CC2D2B: variants seen among roughly 807,000 people sequenced by gnomAD.
CC2D2B encodes coiled-coil and C2 domain containing 2B.
A neutral mutation model predicts 161.2 loss-of-function variants in CC2D2B; 128 were observed. The observed-to-expected ratio is 0.79, with a 90% CI of 0.69 to 0.92. The LOEUF is 0.92. CC2D2B is among the 40% of genes least tolerant of loss of function. The pLI, the probability that CC2D2B is intolerant of heterozygous loss-of-function variation, is 0.00. For missense variants in CC2D2B, 1,173 were observed against 1,375.1 expected, an observed-to-expected ratio of 0.85 and a Z score of 2.32; for synonymous variants, 391 against 449.8, an observed-to-expected ratio of 0.87 and a Z score of 1.65.
In CC2D2B at chr10:95,938,003, C is replaced by T. The variant is rs1375437607; in HGVS notation, c.349C>T (p.Arg117Cys). The T allele has an allele frequency of 1.5e-5, 23 of 1,545,718 alleles. No individual in the cohort carries two copies. Among genetic ancestry groups the T allele is most frequent in the Admixed American group, 3.9e-5 (2 of 50,906 alleles). ...TGGTATTCAACAGAGACCAGTAAAC[C>T]GTAGTTATCCCAAATGCTTTTCACT... The part of the protein sequence containing the change: ...GKSSEQRPVN[R>C]SYPKCFSLGV... Residue 117 changes from arginine to cysteine, a missense_variant, in exon 7 of 35, where the codon CGT becomes TGT. Physicochemically the swap from Arg to Cys is radical, Grantham distance 180. This residue lies in a region of CC2D2B where 298 missense variants were observed against 261.2 expected (regional missense o/e 1.14). Transcript: ENST00000646931.
chr10:95,966,520 A>C (rs1318459213), intron 14 of CC2D2B, among the ~76,000 whole-genome samples: 1 of 152,086 alleles, frequency 6.6e-6, no homozygotes, highest in East Asian at 1.9e-4. Flanking sequence ...TAAATTGCCC[A>C]GGTTCACACA....
Position 96,013,802 on chromosome 10 carries a change from ATTTGTATC to A in CC2D2B, c.3446_3453del (p.Val1149AspfsTer6). ...TATTATTCTAGGACCTCATTGCTCG[ATTTGTATC>A]TTTGATTCCTTTTGTGCCTAATACA... On this transcript the variant is annotated frameshift_variant, in exon 29 of 35. Coordinates refer to ENST00000646931, the MANE Select transcript of CC2D2B (RefSeq NM_001349008.3). LOFTEE classifies it high-confidence loss of function. The A allele has an allele frequency of 6.2e-7, 1 of 1,601,990 alleles. No homozygotes were observed. The highest frequency in any genetic ancestry group is 8.5e-7 in the Non-Finnish European group (1 of 1,172,754).
chr10:95,965,280 C>T (rs2076899301), intron 12 of CC2D2B, among the ~76,000 whole-genome samples: 1 of 152,022 alleles, frequency 6.6e-6, no homozygotes, highest in African/African-American at 2.4e-5. Context: ...GTACTTACTT[C>T]ATAGGGTTGT....
At chr10:95,988,215 C>A in intron 19 of CC2D2B, 35 bp from the exon 20 acceptor site, 2 of 870,614 alleles carry the variant, frequency 2.3e-6, no homozygotes, top group Non-Finnish European at 1.5e-6. Context: ...CTCTTTGTTA[C>A]ATTCAAGAAG....
chr10:95,941,955 A>G (rs2076038460), intron 9 of CC2D2B, among the ~76,000 whole-genome samples: 1 of 152,218 alleles, frequency 6.6e-6, no homozygotes, highest in Admixed American at 6.5e-5. Flanking sequence ...CTGTTCATTG[A>G]CAGTTGAATA....
chr10:95,994,634 G>A (rs1644428849), intron 22 of CC2D2B, among the ~76,000 whole-genome samples: 3 of 152,188 alleles, frequency 2.0e-5, no homozygotes, highest in Non-Finnish European at 2.9e-5. Flanking sequence ...TGGCGTTACC[G>A]CTTGACCAAG....
chr10:95,940,382 T>C (rs1425927620), intron 9 of CC2D2B, among the ~76,000 whole-genome samples: 3 of 152,210 alleles, frequency 2.0e-5, no homozygotes, highest in African/African-American at 7.2e-5. Context: ...TTTGATGGGA[T>C]ATTCTTAATT....
intron 6 of CC2D2B, among the ~76,000 whole-genome samples, chr10:95,929,384 A>T (rs1170508996): frequency 6.6e-6 from 1 of 152,106 alleles, no homozygotes; most frequent in Non-Finnish European, 1.5e-5. Flanking sequence ...TGCTGTGCAG[A>T]AGCTCTTTAG....
At chr10:95,988,754 G>C (rs149249408) in intron 20 of CC2D2B, among the ~76,000 whole-genome samples, 63 of 152,302 alleles carry the variant, frequency 4.1e-4, no homozygotes, top group African/African-American at 1.4e-3. Flanking sequence ...TAGAAAAATA[G>C]ATACGCTTTG....
chr10:95,973,766 CAGG>C (rs2077220041), intron 16 of CC2D2B, among the ~76,000 whole-genome samples: 1 of 149,940 alleles, frequency 6.7e-6, no homozygotes, highest in Admixed American at 6.8e-5. Flanking sequence ...GAGCCTGAGG[CAGG>C]AGAATCATTT....
At chr10:95,908,701 C>T (rs2098500565) in intron 1 of CC2D2B, among the ~76,000 whole-genome samples, 2 of 151,778 alleles carry the variant, frequency 1.3e-5, no homozygotes, top group South Asian at 4.2e-4. Context: ...GAAAGGGCCT[C>T]CTGGTTGACT....
chr10:95,915,703 T>C (rs565364783), intron 2 of CC2D2B, among the ~76,000 whole-genome samples: 2 of 152,332 alleles, frequency 1.3e-5, no homozygotes, highest in South Asian at 4.1e-4. Context: ...ATGTATCACA[T>C]TGATTGATTT....
chr10:95,964,430 T>C (rs1365980774), intron 12 of CC2D2B, among the ~76,000 whole-genome samples: 1 of 152,152 alleles, frequency 6.6e-6, no homozygotes, highest in Admixed American at 6.6e-5. Context: ...CCCTGGTGAT[T>C]TTAATATGTA....
rs1459643604 is a variant in CC2D2B at position 95,924,783 on chromosome 10, A to G, written c.179A>G (p.Asn60Ser). ...VREKLKISKI[N>S]KGEKSSTEQL... ...TTTATTTATGTTGTGTTTCAGATTA[A>G]TAAAGGTGAAAAATCTTCAACTGAG... Residue 60 changes from asparagine (N) to serine (S), a missense_variant, in exon 5 of 35, where the codon AAT (asparagine) becomes AGT (serine). This residue lies in a region of CC2D2B where 298 missense variants were observed against 261.2 expected (regional missense o/e 1.14). Coordinates refer to ENST00000646931, the MANE Select transcript of CC2D2B (RefSeq NM_001349008.3). 1.3e-6 allele frequency: 2 copies of G among 1,532,674 alleles called. No homozygotes were observed. The highest frequency in any genetic ancestry group is 1.2e-5 in the South Asian group (1 of 83,520). 94.9% of individuals were successfully genotyped at this position (1,532,674 alleles called of 1,614,324 possible). A position where few individuals can be genotyped will look rare whatever the true frequency, so the allele number is the denominator to read the frequency against.
chr10:95,982,773 A>T lies in CC2D2B; in HGVS notation c.2082+660A>T, dbSNP rs532245834. Among the ~76,000 whole-genome samples the T allele has an allele frequency of 3.1e-4, 47 of 151,296 alleles. No individual in the cohort carries two copies. The South Asian group carries it at 9.8e-3, about 32-fold the overall frequency. On this transcript the variant is annotated intron_variant, in intron 18 of 34. Transcript: ENST00000646931. ...ATAGGTTTCTTTGTTTTTTGTTGTT[A>T]TTGTTGTTTGTTTTTTTTAGATGGA... is the stretch of plus-strand genomic sequence containing the variant.
chr10:95,925,018 T>G (rs2098535882), intron 5 of CC2D2B, among the ~76,000 whole-genome samples, 174 bp downstream of exon 5: 1 of 152,224 alleles, frequency 6.6e-6, no homozygotes, highest in African/African-American at 2.4e-5. Context: ...GATTCCTCTT[T>G]ATCAGTGATT....
chr10:95,981,833 T>C, intron 17 of CC2D2B, 142 bp from the exon 18 acceptor site: 1 of 418,786 alleles, frequency 2.4e-6, no homozygotes, highest in Non-Finnish European at 4.0e-6. Context: ...CTTTCTATTC[T>C]ATCCATAAAT....
At chr10:95,935,432 C>T (rs1019684647) in intron 6 of CC2D2B, among the ~76,000 whole-genome samples, 2 of 152,080 alleles carry the variant, frequency 1.3e-5, no homozygotes, top group African/African-American at 4.8e-5. Context: ...CCCTGTAGTC[C>T]ATTTTCCATA....
chr10:95,981,987 T>A lies in CC2D2B; in HGVS notation c.1956T>A (p.Asn652Lys), dbSNP rs1353184267. The change falls in exon 18 of 35, where the codon AAT becomes AAA. Residue 652 changes from asparagine to lysine, a missense_variant. Physicochemically the swap from Asn to Lys is moderately conservative, Grantham distance 94. Transcript: ENST00000646931. ...LRSSYCSMLRNVDARSVPGIP... is the reference protein window; with the variant it reads ...LRSSYCSMLRKVDARSVPGIP... ...TTCTCTATGTTAGTATGTTAAGGAATGTAGATGCAAGAAGTGTTCCTGGAA... is the reference window on the plus strand; with the variant it reads ...TTCTCTATGTTAGTATGTTAAGGAAAGTAGATGCAAGAAGTGTTCCTGGAA... 8.1e-7 allele frequency: 1 copy of A among 1,229,190 alleles called. No individual in the cohort carries two copies. The highest frequency in any genetic ancestry group is 3.2e-5 in the East Asian group (1 of 31,630). The allele number at this position is 1,229,190 out of a possible 1,614,324, so 76.1% of individuals were successfully genotyped here. A position where few individuals can be genotyped will look rare whatever the true frequency, so the allele number is the denominator to read the frequency against.
Sources: gnomAD v4.1 joint callset for allele counts (sites outside exome capture counted in the v4.1 genomes callset) on GRCh38, gnomAD v4.1.1 for gene constraint, gnomAD v4.1.1 regional missense constraint, MANE v1.5 for transcripts, NCBI Gene and HGNC (gene_info 2026-07-23, HGNC 2026-07-21) for gene names.